PORCN: variants seen among roughly 807,000 people sequenced by gnomAD.
PORCN encodes the protein porcupine O-acyltransferase.
Under a neutral mutation model 43.0 loss-of-function variants are expected in PORCN, and 1 was observed. That is an observed-to-expected ratio of 0.02 (90% CI 0.01 to 0.11). PORCN has a LOEUF of 0.11. Ranked by LOEUF, PORCN falls within the 10% of genes least tolerant of loss-of-function variation. The pLI, the probability that PORCN is intolerant of heterozygous loss-of-function variation, is 1.00. For synonymous variants in PORCN, 148 were observed against 166.4 expected, an observed-to-expected ratio of 0.89 and a Z score of 0.85; for missense variants, 240 against 392.1, an observed-to-expected ratio of 0.61 and a Z score of 3.28.
In PORCN at chrX:48,512,661, G is replaced by A; in HGVS notation, c.628G>A (p.Val210Met). 4.1e-6 allele frequency: 5 copies of A among 1,211,103 alleles called. No individual in the cohort carries two copies. Among genetic ancestry groups the A allele is most frequent in the Non-Finnish European group, 5.6e-6 (5 of 895,120 alleles). Reference sequence around the variant, plus strand: ...GCTGTGCCTTGTGCTGTCCACTTGCGTGGGCCCCTACCTCTTCCCGTACTT... The same window carrying A: ...GCTGTGCCTTGTGCTGTCCACTTGCATGGGCCCCTACCTCTTCCCGTACTT... ...ALLCLVLSTCVGPYLFPYFIP... is the reference protein window; with the variant it reads ...ALLCLVLSTCMGPYLFPYFIP... The change falls in exon 6 of 15, where the codon GTG becomes ATG. Residue 210 changes from valine (V) to methionine (M), a missense_variant. Coordinates refer to ENST00000326194, the MANE Select transcript of PORCN (RefSeq NM_203475.3).
chrX:48,509,568 G>A, intron 1 of PORCN: 1 of 1,101,805 alleles, frequency 9.1e-7, no homozygotes, highest in South Asian at 1.9e-5. Flanking sequence ...TTCACTCCAG[G>A]TCACAGGCTG....
At position 48,511,415 on chromosome X, in the gene PORCN, T is replaced by A; in HGVS notation, c.257T>A (p.Leu86Gln). Reference protein sequence around the residue: ...VLLSLLCYLVLFLCRHSSHRG... With the variant: ...VLLSLLCYLVQFLCRHSSHRG... ...CTCAGCCTCCTGTGCTACCTCGTGC[T>A]GTTCCTCTGCCGACATTCCTCCCAT... is the stretch of plus-strand genomic sequence containing the variant. Residue 86 changes from leucine (L) to glutamine (Q), a missense_variant, in exon 3 of 15, where the codon CTG becomes CAG. Coordinates refer to ENST00000326194, the MANE Select transcript of PORCN (RefSeq NM_203475.3). The A allele has an allele frequency of 8.3e-7, 1 of 1,211,655 alleles. No homozygotes were observed. The highest frequency in any genetic ancestry group is 1.1e-6 in the Non-Finnish European group (1 of 895,310).
chrX:48,509,757 G>A (rs1556973467), intron 1 of PORCN, 27 bp from the exon 2 acceptor site: 1 of 1,193,891 alleles, frequency 8.4e-7, no homozygotes, highest in East Asian at 3.0e-5. Flanking sequence ...ACGGACACCC[G>A]CTCCCTCTGT....
At chrX:48,509,348 G>A (rs1303123821) in intron 1 of PORCN, 2 of 259,069 alleles carry the variant, frequency 7.7e-6, no homozygotes, top group African/African-American at 6.0e-5. Context: ...CCCTCCCCGT[G>A]CCGCCGCATC....
chrX:48,518,417 C>T (rs980873804), intron 14 of PORCN, among the ~76,000 whole-genome samples: 2 of 110,722 alleles, frequency 1.8e-5, no homozygotes, highest in Non-Finnish European at 3.8e-5. Context: ...GATGGGATTT[C>T]GTCATGTTGG....
intron 1 of PORCN, chrX:48,509,329 G>A: frequency 3.7e-6 from 1 of 273,301 alleles, no homozygotes. Context: ...GGAGGATACA[G>A]GACACCCCCC....
At chrX:48,511,817 A>AC in intron 3 of PORCN, 75 bp from the exon 4 acceptor site, 4 of 981,150 alleles carry the variant, frequency 4.1e-6, no homozygotes, top group Non-Finnish European at 5.8e-6. Flanking sequence ...GGCACCTTGG[A>AC]CCCCCTTCCC....
chrX:48,520,655 A>C lies in PORCN; in HGVS notation c.*179A>C. On this transcript the variant is annotated 3_prime_UTR_variant, in exon 15 of 15. Transcript: ENST00000326194. ...ACCATTTTCATGCCTGTCAATCCCC[A>C]CCCCACCACAAGGCAGGAAGGGGGT... 1 of 467,077 alleles carries C rather than the reference A, an allele frequency of 2.1e-6. No individual in the cohort carries two copies. The highest frequency in any genetic ancestry group is 3.9e-6 in the Non-Finnish European group (1 of 259,593). The allele number at this position is 467,077 out of a possible 1,213,427, so 38.5% of individuals were successfully genotyped here. A position where few individuals can be genotyped will look rare whatever the true frequency, so the allele number is the denominator to read the frequency against.
At position 48,515,770 on chromosome X, in the gene PORCN, T is replaced by C; in HGVS notation, c.1000T>C (p.Tyr334His). 2 of 1,209,915 alleles carry C rather than the reference T, an allele frequency of 1.7e-6. No individual in the cohort carries two copies. Among genetic ancestry groups the C allele is most frequent in the Non-Finnish European group, 1.1e-6 (1 of 894,650 alleles). Residue 334 changes from tyrosine to histidine, a missense_variant, in exon 11 of 15, where the codon TAT becomes CAT. Physicochemically the swap from Tyr to His is moderately conservative, Grantham distance 83. Transcript: ENST00000326194. Reference sequence around the variant, plus strand: ...GACCTTCTCGGCTGTGCTGGTCACCTATGCAGCCAGCGCCCTCCTACATGT... The same window carrying C: ...GACCTTCTCGGCTGTGCTGGTCACCCATGCAGCCAGCGCCCTCCTACATGT... ...LGTFSAVLVT[Y>H]AASALLHGFS...
intron 4 of PORCN, 120 bp downstream of exon 4, chrX:48,512,055 A>G: frequency 1.6e-6 from 1 of 609,892 alleles, no homozygotes; most frequent in Admixed American, 2.5e-5. Context: ...ACCCCACTGG[A>G]CGTGCAGACC....
In PORCN at chrX:48,517,978, G is replaced by A. The variant is rs1446800538; in HGVS notation, c.1284+685G>A. Among the ~76,000 whole-genome samples the A allele has an allele frequency of 5.8e-4, 62 of 107,413 alleles. 1 individual carries two copies. Among genetic ancestry groups the A allele is most frequent in the Non-Finnish European group, 1.2e-4 (6 of 52,014 alleles). 93.3% of individuals were successfully genotyped at this position (107,413 alleles called of 115,157 possible). On this transcript the variant is annotated intron_variant, in intron 14 of 14. Coordinates refer to ENST00000326194, the MANE Select transcript of PORCN (RefSeq NM_203475.3). Reference sequence around the variant, plus strand: ...GGCTAAAGTGCAGTGGTGTGATCACGGCCCACTGCAGCCTCACATTCCTGG... The same window carrying A: ...GGCTAAAGTGCAGTGGTGTGATCACAGCCCACTGCAGCCTCACATTCCTGG...
At position 48,520,370 on chromosome X, in the gene PORCN, C is replaced by T. The variant is rs782812416; in HGVS notation, c.1285-5C>T. ...GTGGGACCATCACCTCTTTCTCTCC[C>T]ACAGGGCTACGGCATGGCATACACT... On this transcript the variant is annotated splice_region_variant and splice_polypyrimidine_tract_variant and intron_variant, in intron 14 of 14. Transcript: ENST00000326194. 3.3e-6 allele frequency: 4 copies of T among 1,197,840 alleles called. No individual in the cohort carries two copies. In the Admixed American group the frequency reaches 8.7e-5, roughly 26 times the overall value.
intron 13 of PORCN, 194 bp downstream of exon 13, chrX:48,516,340 T>C (rs1556975366): frequency 4.3e-6 from 2 of 470,524 alleles, no homozygotes; most frequent in Admixed American, 2.9e-5. Context: ...TATACACACC[T>C]GGCATTCGTT....
At position 48,509,819 on chromosome X, in the gene PORCN, C is replaced by T. The variant is rs781795257; in HGVS notation, c.-2C>T. 8.3e-7 allele frequency: 1 copy of T among 1,210,861 alleles called. No individual in the cohort carries two copies. The highest frequency in any genetic ancestry group is 3.0e-5 in the East Asian group (1 of 33,822). ...CTGGCCATCCATCCGTGGGGGTCTG[C>T]AATGGCCACCTTTAGCCGCCAGGAA... On this transcript the variant is annotated 5_prime_UTR_variant, in exon 2 of 15. Coordinates refer to ENST00000326194, the MANE Select transcript of PORCN (RefSeq NM_203475.3).
Position 48,514,039 on chromosome X carries a change from T to C in PORCN, c.705-88T>C, listed in dbSNP as rs1418086890. 20 of 1,064,170 alleles carry C rather than the reference T, an allele frequency of 1.9e-5. No homozygotes were observed. The East Asian group carries it at 5.8e-4, about 31-fold the overall frequency. The allele number at this position is 1,064,170 out of a possible 1,213,427, so 87.7% of individuals were successfully genotyped here. On this transcript the variant is annotated intron_variant, in intron 7 of 14. Coordinates refer to ENST00000326194, the MANE Select transcript of PORCN (RefSeq NM_203475.3). ...TTTTGTGGCTACATTTCATCTGTCT[T>C]GTCTGAACAATTCAGACCAGCCTCC...
chrX:48,515,493 G>A, intron 10 of PORCN: 1 of 446,743 alleles, frequency 2.2e-6, no homozygotes, highest in Admixed American at 3.7e-5. Context: ...TTTGCCCTGA[G>A]GAACTGGAAA....
intron 7 of PORCN, among the ~76,000 whole-genome samples, chrX:48,513,921 C>G (rs951115537): frequency 4.4e-5 from 5 of 112,677 alleles, no homozygotes; most frequent in African/African-American, 1.3e-4. Context: ...CAGGGCCATG[C>G]CATATTATAG....
Position 48,511,506 on chromosome X carries a change from A to G in PORCN, c.329+19A>G. Reference sequence around the variant, plus strand: ...TCATGGGGTATGAGTATGCATCCTTATCCTCACACTGTTGGCTGAAGTGCA... The same window carrying G: ...TCATGGGGTATGAGTATGCATCCTTGTCCTCACACTGTTGGCTGAAGTGCA... On this transcript the variant is annotated intron_variant, in intron 3 of 14. Coordinates refer to ENST00000326194, the MANE Select transcript of PORCN (RefSeq NM_203475.3). 8.4e-7 allele frequency: 1 copy of G among 1,184,912 alleles called. No homozygotes were observed. Among genetic ancestry groups the G allele is most frequent in the South Asian group, 1.8e-5 (1 of 56,370 alleles).
chrX:48,514,397 G>T, intron 9 of PORCN, 32 bp downstream of exon 9: 1 of 1,203,297 alleles, frequency 8.3e-7, no homozygotes, highest in Non-Finnish European at 1.1e-6. Context: ...CTCTCCCACA[G>T]GGTGCTGCCT....
Sources: gnomAD v4.1 joint callset for allele counts (sites outside exome capture counted in the v4.1 genomes callset) on GRCh38, gnomAD v4.1.1 for gene constraint, MANE v1.5 for transcripts, NCBI Gene and HGNC (gene_info 2026-07-23, HGNC 2026-07-21) for gene names.